MAP3K5: variants seen among roughly 807,000 people sequenced by gnomAD.
MAP3K5 encodes the protein ASK-1.
Under a neutral mutation model 158.7 loss-of-function variants are expected in MAP3K5, and 56 were observed. The observed-to-expected ratio is 0.35, with a 90% CI of 0.28 to 0.44. The LOEUF (loss-of-function observed/expected upper bound fraction) is 0.44. Among genes scored for constraint, MAP3K5 ranks in the 20% least tolerant of loss-of-function variants. The pLI is 1.00. For missense variants in MAP3K5, 1,294 were observed against 1,674.8 expected (o/e 0.77, Z 3.97); for synonymous variants, 579 against 601.7 (o/e 0.96, Z 0.55).
chr6:136,587,482 G>A (rs1775189191), intron 23 of MAP3K5, among the ~76,000 whole-genome samples: 1 of 152,208 alleles, frequency 6.6e-6, no homozygotes, highest in African/African-American at 2.4e-5. Flanking sequence ...CAGGCTCTGA[G>A]AAGTTAAATC....
chr6:136,685,997 G>T (rs759470098), intron 7 of MAP3K5, among the ~76,000 whole-genome samples: 1 of 152,140 alleles, frequency 6.6e-6, no homozygotes, highest in Non-Finnish European at 1.5e-5. Context: ...AGCGGAAACT[G>T]GACAAAACAC....
At chr6:136,603,278 T>C (rs1285633295) in intron 19 of MAP3K5, among the ~76,000 whole-genome samples, 1 of 151,856 alleles carries the variant, frequency 6.6e-6, no homozygotes, top group Non-Finnish European at 1.5e-5. Context: ...GTCCAAGTGA[T>C]TCTCCTGCCT....
chr6:136,654,410 A>G (rs1044211424), intron 10 of MAP3K5, among the ~76,000 whole-genome samples: 1 of 152,090 alleles, frequency 6.6e-6, no homozygotes, highest in Non-Finnish European at 1.5e-5. Context: ...CTCTTCATAT[A>G]AATTTTTTAT....
intron 23 of MAP3K5, among the ~76,000 whole-genome samples, chr6:136,589,402 T>A (rs1775284250): frequency 6.6e-6 from 1 of 152,192 alleles, no homozygotes; most frequent in Non-Finnish European, 1.5e-5. Flanking sequence ...TACCAGGGAC[T>A]GAGTGTGTCT....
chr6:136,592,661 T>G (rs781052444), intron 21 of MAP3K5, 47 bp from the exon 22 acceptor site: 4 of 1,497,454 alleles, frequency 2.7e-6, no homozygotes, highest in East Asian at 4.5e-5. Flanking sequence ...CTTTAAAAAA[T>G]GTACACATAC....
chr6:136,725,751 T>C (rs78047988), intron 1 of MAP3K5, among the ~76,000 whole-genome samples: 1 of 152,224 alleles, frequency 6.6e-6, no homozygotes, highest in Non-Finnish European at 1.5e-5. Flanking sequence ...AGGTGTGGTA[T>C]TGAAAAAAAT....
chr6:136,764,355 T>C (rs1303070567), intron 1 of MAP3K5, among the ~76,000 whole-genome samples: 1 of 152,192 alleles, frequency 6.6e-6, no homozygotes, highest in Non-Finnish European at 1.5e-5. Context: ...TCCATGTCCT[T>C]CTTCTTGGAA....
At chr6:136,638,269 T>C (rs558275283) in intron 13 of MAP3K5, among the ~76,000 whole-genome samples, 2 of 152,300 alleles carry the variant, frequency 1.3e-5, no homozygotes, top group South Asian at 2.1e-4. Context: ...GGTTAAGGAT[T>C]TGCATCAGCC....
chr6:136,695,356 C>A (rs1194632266), intron 6 of MAP3K5, among the ~76,000 whole-genome samples: 1 of 152,142 alleles, frequency 6.6e-6, no homozygotes, highest in African/African-American at 2.4e-5. Flanking sequence ...CCAGGCTGCT[C>A]TCGAACTCCT....
At chr6:136,743,524 T>C (rs1782804602) in intron 1 of MAP3K5, among the ~76,000 whole-genome samples, 3 of 152,154 alleles carry the variant, frequency 2.0e-5, no homozygotes, top group Non-Finnish European at 4.4e-5. Flanking sequence ...TCCAAAACAC[T>C]GACGCCATCA....
chr6:136,739,016 GAA>G (rs1782599534), intron 1 of MAP3K5, among the ~76,000 whole-genome samples: 1 of 152,038 alleles, frequency 6.6e-6, no homozygotes, highest in South Asian at 2.1e-4. Context: ...TCTAGCAAGA[GAA>G]GAGACAATCA....
chr6:136,694,623 C>T (rs1780523595), intron 6 of MAP3K5, among the ~76,000 whole-genome samples: 1 of 152,102 alleles, frequency 6.6e-6, no homozygotes, highest in East Asian at 1.9e-4. Context: ...GTTGGTGAAA[C>T]GAGATTAGAG....
intron 1 of MAP3K5, among the ~76,000 whole-genome samples, chr6:136,746,184 AG>A (rs1782949811): frequency 1.3e-5 from 2 of 152,166 alleles, no homozygotes; most frequent in South Asian, 4.1e-4. Context: ...TAAATACAGC[AG>A]GTTTATGGCT....
At chr6:136,747,098 C>A (rs1782995912) in intron 1 of MAP3K5, among the ~76,000 whole-genome samples, 1 of 152,096 alleles carries the variant, frequency 6.6e-6, no homozygotes, top group Admixed American at 6.5e-5. Flanking sequence ...ATTTTTAAAT[C>A]TTTGTAGAGG....
At chr6:136,577,399 T>C (rs1774667695) in intron 25 of MAP3K5, among the ~76,000 whole-genome samples, 1 of 152,224 alleles carries the variant, frequency 6.6e-6, no homozygotes, top group South Asian at 2.1e-4. Context: ...TCTATGTAAT[T>C]CTCTTCTAAA....
chr6:136,558,851 A>C lies in MAP3K5; in HGVS notation c.4013T>G (p.Leu1338Trp). Residue 1338 changes from leucine to tryptophan, a missense_variant, in exon 29 of 30, where the codon TTG becomes TGG. By Grantham distance (61) the Leu-to-Trp change is moderately conservative. Coordinates refer to ENST00000359015, the MANE Select transcript of MAP3K5 (RefSeq NM_005923.4). The stretch of plus-strand genomic sequence containing the variant: ...ACGTGTAACATAGTAGAGAACATCC[A>C]ATAGTGTATAATCTTCAGCCAAAAA... ...SRFLAEDYTL[L>W]DVLYYVTRDD... The C allele has an allele frequency of 6.2e-7, 1 of 1,600,758 alleles. No homozygotes were observed. Among genetic ancestry groups the C allele is most frequent in the Non-Finnish European group, 8.6e-7 (1 of 1,168,766 alleles).
Position 136,598,795 on chromosome 6 carries a change from A to G in MAP3K5, c.2878+2227T>C, listed in dbSNP as rs114269012. Among the ~76,000 whole-genome samples, 744 of 152,224 alleles carry G rather than the reference A, an allele frequency of 4.9e-3. 6 individuals carry two copies. The highest frequency in any genetic ancestry group is 0.017 in the African/African-American group (713 of 41,574). The stretch of plus-strand genomic sequence containing the variant: ...AGGAAGAGGCCTGTATCTTGTACTC[A>G]TCTAGAAGGAGAGTAAGACGAGCTA... On this transcript the variant is annotated intron_variant, in intron 21 of 29. Coordinates refer to ENST00000359015, the MANE Select transcript of MAP3K5 (RefSeq NM_005923.4).
At chr6:136,745,330 A>G (rs895707984) in intron 1 of MAP3K5, among the ~76,000 whole-genome samples, 1 of 152,108 alleles carries the variant, frequency 6.6e-6, no homozygotes, top group African/African-American at 2.4e-5. Flanking sequence ...TGGGAAGAAA[A>G]TTAATTTTCT....
chr6:136,643,235 A>G (rs770155340), intron 11 of MAP3K5, among the ~76,000 whole-genome samples: 1 of 152,260 alleles, frequency 6.6e-6, no homozygotes, highest in African/African-American at 2.4e-5. Flanking sequence ...TTATTTCTTG[A>G]GTTTATCACT....
Sources: gnomAD v4.1 joint callset for allele counts (sites outside exome capture counted in the v4.1 genomes callset) on GRCh38, gnomAD v4.1.1 for gene constraint, MANE v1.5 for transcripts, NCBI Gene and HGNC (gene_info 2026-07-23, HGNC 2026-07-21) for gene names.